The following WWOX variants were observed in gnomAD, a reference collection of about 807,000 sequenced individuals.
WWOX encodes the protein WW domain containing oxidoreductase.
A neutral mutation model predicts 46.2 loss-of-function variants in WWOX; 69 were observed. The ratio of observed to expected loss-of-function variants is 1.49; its 90% CI spans 1.23 to 1.82. The LOEUF (loss-of-function observed/expected upper bound fraction) is 1.82. Ranked by LOEUF, WWOX falls within the 40% of genes most tolerant of loss-of-function variation. The pLI, the probability that WWOX is intolerant of heterozygous loss-of-function variation, is 0.00. For synonymous variants in WWOX, 359 were observed against 202.6 expected, an observed-to-expected ratio of 1.77 and a Z score of -6.56; for missense variants, 919 against 542.6, an observed-to-expected ratio of 1.69 and a Z score of -6.89.
At chr16:78,677,056 C>T (rs1249010347) in intron 8 of WWOX, among the ~76,000 whole-genome samples, 1 of 147,832 alleles carries the variant, frequency 6.8e-6, no homozygotes, top group Non-Finnish European at 1.5e-5. Flanking sequence ...ACCTAGCGTA[C>T]TTTTTTTTTT....
intron 8 of WWOX, among the ~76,000 whole-genome samples, chr16:79,160,213 G>C (rs999011638): frequency 6.6e-6 from 1 of 152,208 alleles, no homozygotes; most frequent in African/African-American, 2.4e-5. Context: ...AGTTGTGAGA[G>C]CTCCTATGGG....
intron 8 of WWOX, among the ~76,000 whole-genome samples, chr16:78,611,043 A>G (rs1030948231): frequency 5.3e-5 from 8 of 152,204 alleles, no homozygotes; most frequent in Non-Finnish European, 8.8e-5. Flanking sequence ...AACAATTTCA[A>G]TCATATGTTG....
In WWOX at chr16:79,201,935, A is replaced by G. The variant is rs142712225; in HGVS notation, c.1057-9673A>G. Reference sequence around the variant, plus strand: ...ATTTTCATTTGATCAAATCATTTCCATGATCCATCAAACACACAAGTTAAA... The same window carrying G: ...ATTTTCATTTGATCAAATCATTTCCGTGATCCATCAAACACACAAGTTAAA... On this transcript the variant is annotated intron_variant, in intron 8 of 8. Coordinates refer to ENST00000566780, the MANE Select transcript of WWOX (RefSeq NM_016373.4). Among the ~76,000 whole-genome samples the G allele has an allele frequency of 3.5e-3, 540 of 152,362 alleles. 2 individuals are homozygous for G. The highest frequency in any genetic ancestry group is 5.0e-3 in the Non-Finnish European group (343 of 68,040).
At chr16:79,110,470 A>G (rs2049396001) in intron 8 of WWOX, among the ~76,000 whole-genome samples, 1 of 152,214 alleles carries the variant, frequency 6.6e-6, no homozygotes, top group Non-Finnish European at 1.5e-5. Context: ...CAGCTGGAGC[A>G]GAGAACATGC....
chr16:78,990,682 A>T (rs2046869940), intron 8 of WWOX, among the ~76,000 whole-genome samples: 2 of 152,052 alleles, frequency 1.3e-5, no homozygotes, highest in South Asian at 4.1e-4. Flanking sequence ...AGAGAGGGAG[A>T]AGCACATAGA....
chr16:78,571,001 C>A (rs956241588), intron 8 of WWOX, among the ~76,000 whole-genome samples: 1 of 152,116 alleles, frequency 6.6e-6, no homozygotes, highest in African/African-American at 2.4e-5. Flanking sequence ...GCTGAAGAGA[C>A]TATGTTGCCC....
chr16:78,601,617 T>C (rs1258486142), intron 8 of WWOX, among the ~76,000 whole-genome samples: 1 of 152,218 alleles, frequency 6.6e-6, no homozygotes, highest in Non-Finnish European at 1.5e-5. Context: ...ATATATACTT[T>C]CTAATGTAAA....
rs1308368062 is a variant in WWOX at position 78,967,341 on chromosome 16, G to T, written c.1057-244267G>T. 2.1e-5 allele frequency among the ~76,000 whole-genome samples: 3 copies of T among 139,570 alleles called. No homozygotes were observed. The Admixed American group carries it at 2.3e-4, about 11-fold the overall frequency. The allele number at this position is 139,570 out of a possible 152,430, so 91.6% of individuals were successfully genotyped here. A position where few individuals can be genotyped will look rare whatever the true frequency, so the allele number is the denominator to read the frequency against. ...GACTCACTCTGTCACCCAGGCTGGA[G>T]TGCAGTGGCATGATCATGGCTCACT... On this transcript the variant is annotated intron_variant, in intron 8 of 8. Coordinates refer to ENST00000566780, the MANE Select transcript of WWOX (RefSeq NM_016373.4).
chr16:78,421,678 C>T (rs909917602), intron 6 of WWOX, among the ~76,000 whole-genome samples: 2 of 152,044 alleles, frequency 1.3e-5, no homozygotes, highest in African/African-American at 4.8e-5. Context: ...GAATGGTCTG[C>T]CCCAGATGCA....
intron 8 of WWOX, among the ~76,000 whole-genome samples, chr16:78,799,530 C>T (rs1338311230): frequency 1.3e-5 from 2 of 152,026 alleles, no homozygotes; most frequent in African/African-American, 2.4e-5. Flanking sequence ...ATTTTAGACC[C>T]CAAAAGTCCA....
chr16:78,610,168 G>C (rs1344836867), intron 8 of WWOX, among the ~76,000 whole-genome samples: 7 of 152,066 alleles, frequency 4.6e-5, no homozygotes, highest in Non-Finnish European at 1.0e-4. Context: ...TAATGGATTC[G>C]CTTGATATAC....
intron 5 of WWOX, among the ~76,000 whole-genome samples, chr16:78,220,403 C>T (rs1400695826): frequency 2.4e-5 from 1 of 42,240 alleles, no homozygotes; most frequent in Non-Finnish European, 3.9e-5. Flanking sequence ...GAATAACAAA[C>T]ATATAACAAT....
chr16:78,632,905 T>G (rs2151662173), intron 8 of WWOX, among the ~76,000 whole-genome samples: 1 of 151,938 alleles, frequency 6.6e-6, no homozygotes, highest in South Asian at 2.1e-4. Flanking sequence ...CTGCTACGTG[T>G]AATAGAAAGG....
rs9319534 is a variant in WWOX, at chr16:79,057,261, T to A, written c.1057-154347T>A. Among the ~76,000 whole-genome samples, 5 of 151,966 alleles carry A rather than the reference T, an allele frequency of 3.3e-5. No homozygotes were observed. The East Asian group carries it at 5.8e-4, about 18-fold the overall frequency. ...CATCACCAGTCTTCCAATGGCAAAC[T>A]TATGTTTATTCCAGCTGATTCTCCC... On this transcript the variant is annotated intron_variant, in intron 8 of 8. Transcript: ENST00000566780.
chr16:78,721,615 A>G (rs1427714417), intron 8 of WWOX, among the ~76,000 whole-genome samples: 5 of 152,204 alleles, frequency 3.3e-5, no homozygotes, highest in Admixed American at 3.3e-4. Flanking sequence ...ATAAAGCAGG[A>G]CATGTGCTTT....
intron 5 of WWOX, chr16:78,166,720 A>T (rs907526538): frequency 6.6e-6 from 1 of 152,006 alleles, no homozygotes; most frequent in African/African-American, 2.4e-5. Flanking sequence ...CACCATGCCC[A>T]GCTAATTTTT....
chr16:79,137,800 A>T (rs577280730), intron 8 of WWOX, among the ~76,000 whole-genome samples: 7 of 151,204 alleles, frequency 4.6e-5, no homozygotes, highest in Non-Finnish European at 1.0e-4. Flanking sequence ...ATCCTTAATG[A>T]CTTCCAGGTG....
chr16:79,026,612 CTCTT>C (rs894877468), intron 8 of WWOX, among the ~76,000 whole-genome samples: 2 of 123,360 alleles, frequency 1.6e-5, no homozygotes, highest in Non-Finnish European at 3.3e-5. Context: ...ATGTGGTAGA[CTCTT>C]TTTTTTTTTT....
At chr16:78,359,959 C>G (rs1310276198) in intron 5 of WWOX, among the ~76,000 whole-genome samples, 2 of 152,164 alleles carry the variant, frequency 1.3e-5, no homozygotes, top group Non-Finnish European at 2.9e-5. Context: ...TTTGCCTTCA[C>G]TATTCAATCA....
Sources: gnomAD v4.1 joint callset for allele counts (sites outside exome capture counted in the v4.1 genomes callset) on GRCh38, gnomAD v4.1.1 for gene constraint, MANE v1.5 for transcripts, NCBI Gene and HGNC (gene_info 2026-07-23, HGNC 2026-07-21) for gene names.